Variants in DSCAML1 observed in about 807,000 individuals in gnomAD.
The protein encoded by DSCAML1 is cell adhesion molecule DSCAML1.
A neutral mutation model predicts 200.5 loss-of-function variants in DSCAML1; 38 were observed. The ratio of observed to expected loss-of-function variants is 0.19; its 90% confidence interval spans 0.15 to 0.25. The LOEUF is 0.25. Among genes scored for constraint, DSCAML1 ranks in the 10% least tolerant of loss-of-function variants. The pLI is 1.00. For missense variants in DSCAML1, 2,223 were observed against 2,858.8 expected (o/e 0.78, Z 5.07); for synonymous variants, 1,215 against 1,165.0 (o/e 1.04, Z -0.87).
At chr11:117,810,919 GTCTT>G (rs963337927) in intron 1 of DSCAML1, among the ~76,000 whole-genome samples, 1 of 152,052 alleles carries the variant, frequency 6.6e-6, no homozygotes, top group African/African-American at 2.4e-5. Flanking sequence ...GCGTCGCTGA[GTCTT>G]TCTAATCTTC....
chr11:117,567,918 C>CA (rs2050784629), intron 3 of DSCAML1, among the ~76,000 whole-genome samples: 1 of 151,722 alleles, frequency 6.6e-6, no homozygotes, highest in East Asian at 1.9e-4. Context: ...GAGACACAAC[C>CA]AAAAAAGAGA....
At chr11:117,786,015 C>T (rs2055345011) in intron 1 of DSCAML1, among the ~76,000 whole-genome samples, 1 of 152,180 alleles carries the variant, frequency 6.6e-6, no homozygotes, top group African/African-American at 2.4e-5. Context: ...CATGCCTTCT[C>T]TCCAAGCTGG....
In DSCAML1 at chr11:117,463,440, T is replaced by C. The variant is rs1418319951; in HGVS notation, c.3265+1502A>G. 1.3e-5 allele frequency among the ~76,000 whole-genome samples: 2 copies of C among 152,046 alleles called. No individual in the cohort carries two copies. Among genetic ancestry groups the C allele is most frequent in the Non-Finnish European group, 2.9e-5 (2 of 68,012 alleles). Reference sequence around the variant, plus strand: ...CACCCGGATTAGAAATGAACATTCTTGGCCCCCACCTCAGACCTGCTTGAA... The same window carrying C: ...CACCCGGATTAGAAATGAACATTCTCGGCCCCCACCTCAGACCTGCTTGAA... On this transcript the variant is annotated intron_variant, in intron 17 of 32. Coordinates refer to ENST00000651296, the MANE Select transcript of DSCAML1 (RefSeq NM_020693.4). This position sits in a 1 kb window ranked among gnomAD's most constrained non-coding sequence, Gnocchi z 4.0.
chr11:117,584,230 A>G lies in DSCAML1; in HGVS notation c.512-51708T>C, dbSNP rs1307169648. Among the ~76,000 whole-genome samples the G allele has an allele frequency of 4.6e-5, 7 of 152,184 alleles. No individual in the cohort carries two copies. In the South Asian group the frequency reaches 1.5e-3, roughly 32 times the overall value. Reference sequence around the variant, plus strand: ...TGGGCTCTAGCCCCAAGGGGCAGGGACGATGTCTTTGTTCTAGCTCCATTT... The same window carrying G: ...TGGGCTCTAGCCCCAAGGGGCAGGGGCGATGTCTTTGTTCTAGCTCCATTT... On this transcript the variant is annotated intron_variant, in intron 3 of 32. Transcript: ENST00000651296.
chr11:117,506,151 A>G (rs2049492968), intron 8 of DSCAML1, among the ~76,000 whole-genome samples: 1 of 152,250 alleles, frequency 6.6e-6, no homozygotes, highest in Admixed American at 6.5e-5. Context: ...CAAGAGGGGA[A>G]GCGTGGTGCT....
chr11:117,778,601 G>A (rs1170389287), intron 2 of DSCAML1, among the ~76,000 whole-genome samples: 1 of 152,256 alleles, frequency 6.6e-6, no homozygotes, highest in Non-Finnish European at 1.5e-5. Context: ...CATGATAGCT[G>A]CACCTCTGCG....
intron 3 of DSCAML1, among the ~76,000 whole-genome samples, chr11:117,613,032 T>G (rs1464411947): frequency 6.6e-6 from 1 of 152,154 alleles, no homozygotes; most frequent in Non-Finnish European, 1.5e-5. Flanking sequence ...TGGATGGGCT[T>G]ATGAGTGTCC....
At chr11:117,535,084 G>C (rs1276670036) in intron 3 of DSCAML1, among the ~76,000 whole-genome samples, 2 of 152,024 alleles carry the variant, frequency 1.3e-5, no homozygotes, top group Non-Finnish European at 2.9e-5. Context: ...CCCACTTTGA[G>C]AGCCTCTAAG....
chr11:117,557,470 C>T (rs994055729), intron 3 of DSCAML1, among the ~76,000 whole-genome samples: 7 of 152,160 alleles, frequency 4.6e-5, no homozygotes, highest in African/African-American at 9.7e-5. Flanking sequence ...GGGTAGAAAG[C>T]GAGCCGCAGC....
At chr11:117,539,871 CA>C (rs2050236462) in intron 3 of DSCAML1, among the ~76,000 whole-genome samples, 1 of 152,124 alleles carries the variant, frequency 6.6e-6, no homozygotes, top group Non-Finnish European at 1.5e-5. Flanking sequence ...TGGAAGAAAC[CA>C]AACTGTCCAT....
chr11:117,751,596 C>A (rs956037609), intron 3 of DSCAML1, among the ~76,000 whole-genome samples: 2 of 152,052 alleles, frequency 1.3e-5, no homozygotes, highest in African/African-American at 2.4e-5. Flanking sequence ...CTTGGGCGAG[C>A]AGAGGAAAGC....
chr11:117,573,153 G>A (rs1254968400), intron 3 of DSCAML1, among the ~76,000 whole-genome samples: 2 of 152,146 alleles, frequency 1.3e-5, no homozygotes, highest in Non-Finnish European at 2.9e-5. Context: ...GTGTCCTGTC[G>A]TGCATTCAGA....
chr11:117,773,777 A>C (rs1051894292), intron 3 of DSCAML1, among the ~76,000 whole-genome samples: 4 of 152,042 alleles, frequency 2.6e-5, no homozygotes, highest in African/African-American at 4.8e-5. Context: ...GGATTTCTGC[A>C]CTTGGAGAAG....
chr11:117,611,909 A>G lies in DSCAML1; in HGVS notation c.512-79387T>C, dbSNP rs1286399253. On this transcript the variant is annotated intron_variant, in intron 3 of 32. Coordinates refer to ENST00000651296, the MANE Select transcript of DSCAML1 (RefSeq NM_020693.4). ...AATTTAACCTTGTTCACTGTCCCAT[A>G]GGCTGTATCTCCAGAGAGCCCTTTC... 22 of 152,174 alleles carry G rather than the reference A, an allele frequency of 1.4e-4. 2 individuals are homozygous for G. Among genetic ancestry groups the G allele is most frequent in the Admixed American group, 1.4e-3 (22 of 15,270 alleles). 9.4% of individuals were successfully genotyped at this position (152,174 alleles called of 1,614,324 possible). A position where few individuals can be genotyped will look rare whatever the true frequency, so the allele number is the denominator to read the frequency against.
chr11:117,616,357 A>G (rs1207481453), intron 3 of DSCAML1, among the ~76,000 whole-genome samples: 1 of 152,222 alleles, frequency 6.6e-6, no homozygotes, highest in Non-Finnish European at 1.5e-5. Context: ...CAAGAATTAT[A>G]GTAATCTCTG....
chr11:117,777,836 C>G (rs1469961572), intron 2 of DSCAML1, among the ~76,000 whole-genome samples: 1 of 152,226 alleles, frequency 6.6e-6, no homozygotes, highest in Admixed American at 6.5e-5. Flanking sequence ...GGGACCAAGG[C>G]TTCTGCCTCT....
intron 3 of DSCAML1, among the ~76,000 whole-genome samples, chr11:117,546,719 G>T (rs919529608): frequency 1.1e-4 from 16 of 152,044 alleles, no homozygotes; most frequent in African/African-American, 3.4e-4. Context: ...AGACAAATCT[G>T]GGGGAGGGGG....
chr11:117,770,970 G>A (rs759263693), intron 3 of DSCAML1, among the ~76,000 whole-genome samples: 53 of 152,210 alleles, frequency 3.5e-4, no homozygotes, highest in Non-Finnish European at 8.8e-5. Context: ...CAGGAGAGGA[G>A]AGAAGATGGC....
At chr11:117,717,861 G>A (rs1483324558) in intron 3 of DSCAML1, among the ~76,000 whole-genome samples, 3 of 152,168 alleles carry the variant, frequency 2.0e-5, no homozygotes, top group Non-Finnish European at 4.4e-5. Flanking sequence ...TTGGCCCAGC[G>A]AGGCAATGCT....
Sources: gnomAD v4.1 joint callset for allele counts (sites outside exome capture counted in the v4.1 genomes callset) on GRCh38, gnomAD v4.1.1 for gene constraint, Gnocchi (gnomAD v3.1) non-coding constraint, MANE v1.5 for transcripts, NCBI Gene and HGNC (gene_info 2026-07-23, HGNC 2026-07-21) for gene names.